The following VTI1A variants were observed in gnomAD, a reference collection of about 807,000 sequenced individuals.
VTI1A encodes the protein vesicle transport through interaction with t-SNAREs homolog 1A.
Under a neutral mutation model 34.9 loss-of-function variants are expected in VTI1A, and 22 were observed. That is an observed-to-expected ratio of 0.63 (90% CI 0.45 to 0.90). The LOEUF (loss-of-function observed/expected upper bound fraction) is 0.90. Among genes scored for constraint, VTI1A ranks in the 40% least tolerant of loss-of-function variants. The pLI, the probability that VTI1A is intolerant of heterozygous loss-of-function variation, is 0.00. For missense variants in VTI1A, 268 were observed against 275.6 expected, an observed-to-expected ratio of 0.97 and a Z score of 0.20; for synonymous variants, 87 against 97.3, an observed-to-expected ratio of 0.89 and a Z score of 0.62.
chr10:112,468,108 G>T (rs933868769), intron 3 of VTI1A, among the ~76,000 whole-genome samples: 1 of 152,208 alleles, frequency 6.6e-6, no homozygotes, highest in African/African-American at 2.4e-5. Context: ...GAAGAAACGT[G>T]TGTGTGCTTG....
intron 7 of VTI1A, among the ~76,000 whole-genome samples, chr10:112,789,185 A>C (rs1296980660): frequency 6.6e-6 from 1 of 152,112 alleles, no homozygotes; most frequent in African/African-American, 2.4e-5. Context: ...AATTTCTTTC[A>C]GCCTGAAGGA....
intron 3 of VTI1A, among the ~76,000 whole-genome samples, chr10:112,468,427 A>G (rs1847973335): frequency 6.6e-6 from 1 of 152,164 alleles, no homozygotes; most frequent in African/African-American, 2.4e-5. Context: ...CCATACCTAG[A>G]AATACTGAAT....
intron 5 of VTI1A, among the ~76,000 whole-genome samples, chr10:112,655,625 A>G (rs1377168248): frequency 1.3e-5 from 2 of 152,172 alleles, no homozygotes; most frequent in Non-Finnish European, 2.9e-5. Context: ...GATGAATCCT[A>G]TTCTTGAAAT....
chr10:112,675,036 A>C (rs1847976581), intron 7 of VTI1A, among the ~76,000 whole-genome samples: 1 of 152,226 alleles, frequency 6.6e-6, no homozygotes, highest in Admixed American at 6.5e-5. Context: ...TAGAAAAATA[A>C]ATACTTGTAA....
At chr10:112,836,642 C>A in the VTI1A span, among the ~76,000 whole-genome samples, 2 of 152,184 alleles carry the variant, frequency 1.3e-5, no homozygotes, top group African/African-American at 4.8e-5. Flanking sequence ...CGTGTAGTAG[C>A]ACTTGAATCT....
intron 7 of VTI1A, among the ~76,000 whole-genome samples, chr10:112,720,114 G>C (rs1031514513): frequency 1.2e-4 from 18 of 152,158 alleles, no homozygotes; most frequent in Non-Finnish European, 2.5e-4. Context: ...TTTATCAATT[G>C]ATGAACATTT....
intron 7 of VTI1A, among the ~76,000 whole-genome samples, chr10:112,796,263 A>T (rs1852669946): frequency 6.6e-6 from 1 of 151,966 alleles, no homozygotes; most frequent in Admixed American, 6.6e-5. Context: ...AAAATTAGCC[A>T]GGCATGGTGG....
At chr10:112,837,854 C>T in the VTI1A span, among the ~76,000 whole-genome samples, 3 of 152,150 alleles carry the variant, frequency 2.0e-5, no homozygotes, top group Non-Finnish European at 4.4e-5. Flanking sequence ...GCCTCACAGT[C>T]ATGAAATGAA....
chr10:112,690,303 G>T (rs1054474658), intron 7 of VTI1A, among the ~76,000 whole-genome samples: 6 of 152,154 alleles, frequency 3.9e-5, no homozygotes, highest in African/African-American at 1.4e-4. Flanking sequence ...GGGTCATATG[G>T]TAAGTATATG....
intron 2 of VTI1A, among the ~76,000 whole-genome samples, 163 bp downstream of exon 2, chr10:112,460,745 C>T (rs1847703260): frequency 6.6e-6 from 1 of 152,122 alleles, no homozygotes; most frequent in Admixed American, 6.5e-5. Flanking sequence ...TTAGTAGCTT[C>T]TTGGGATTTT....
intron 7 of VTI1A, among the ~76,000 whole-genome samples, chr10:112,724,435 C>T (rs2133945763): frequency 6.6e-6 from 1 of 152,168 alleles, no homozygotes; most frequent in Admixed American, 6.5e-5. Flanking sequence ...TTAAAGAGGA[C>T]ACCAAACTAT....
At chr10:112,773,533 G>A (rs1008757173) in intron 7 of VTI1A, among the ~76,000 whole-genome samples, 9 of 152,208 alleles carry the variant, frequency 5.9e-5, no homozygotes, top group South Asian at 2.1e-4. Context: ...ACCACTGGAA[G>A]TCTTAGGAAA....
chr10:112,609,783 G>C (rs1418316043), intron 5 of VTI1A, among the ~76,000 whole-genome samples: 1 of 152,066 alleles, frequency 6.6e-6, no homozygotes, highest in Admixed American at 6.5e-5. Flanking sequence ...TCTGGGTTTT[G>C]TTTGCCAGAT....
chr10:112,829,926 A>G, the VTI1A span, among the ~76,000 whole-genome samples: 2 of 152,304 alleles, frequency 1.3e-5, no homozygotes, highest in African/African-American at 4.8e-5. Context: ...CTTGACTCCA[A>G]ATGGAATCCT....
chr10:112,474,731 A>G (rs1310941187), intron 3 of VTI1A, among the ~76,000 whole-genome samples: 2 of 152,190 alleles, frequency 1.3e-5, no homozygotes, highest in African/African-American at 2.4e-5. Context: ...TGCTGGGATT[A>G]CAGGCATGAG....
intron 5 of VTI1A, among the ~76,000 whole-genome samples, chr10:112,566,321 A>T (rs1363326394): frequency 6.6e-6 from 1 of 152,230 alleles, no homozygotes; most frequent in Non-Finnish European, 1.5e-5. Context: ...TTAATTCAAT[A>T]AAATGTTAAA....
chr10:112,632,470 A>C (rs2134626606), intron 5 of VTI1A, among the ~76,000 whole-genome samples: 1 of 152,310 alleles, frequency 6.6e-6, no homozygotes, highest in South Asian at 2.1e-4. Flanking sequence ...TAACACAACA[A>C]AGGTTTCTTT....
At chr10:112,837,001 G>T in the VTI1A span, among the ~76,000 whole-genome samples, 1 of 152,240 alleles carries the variant, frequency 6.6e-6, no homozygotes, top group African/African-American at 2.4e-5. Context: ...AGCCAATAGT[G>T]CAGGAGAAGG....
chr10:112,717,281 G>C (rs1849643011), intron 7 of VTI1A, among the ~76,000 whole-genome samples: 1 of 152,208 alleles, frequency 6.6e-6, no homozygotes, highest in African/African-American at 2.4e-5. Context: ...TGTTGATGAT[G>C]TGACTCTCCA....
Sources: gnomAD v4.1 joint callset for allele counts (sites outside exome capture counted in the v4.1 genomes callset) on GRCh38, gnomAD v4.1.1 for gene constraint, MANE v1.5 for transcripts, NCBI Gene and HGNC (gene_info 2026-07-23, HGNC 2026-07-21) for gene names.